The following AP3D1 variants were observed in gnomAD, a reference collection of about 807,000 sequenced individuals.
The protein encoded by AP3D1 is adaptor related protein complex 3 subunit delta 1, also known as AP-3 complex subunit delta-1.
Under a neutral mutation model 147.6 loss-of-function variants are expected in AP3D1, and 51 were observed. That is an observed-to-expected ratio of 0.35 (90% CI 0.28 to 0.44). AP3D1 has a LOEUF of 0.44. Ranked by LOEUF, AP3D1 falls within the 20% of genes least tolerant of loss-of-function variation. The pLI is 1.00. For synonymous variants in AP3D1, 760 were observed against 663.0 expected (o/e 1.15, Z -2.25); for missense variants, 1,421 against 1,624.2 (o/e 0.87, Z 2.15).
At chr19:2,149,388 T>C (rs1413522766) in intron 1 of AP3D1, among the ~76,000 whole-genome samples, 1 of 151,772 alleles carries the variant, frequency 6.6e-6, no homozygotes, top group Admixed American at 6.6e-5. Flanking sequence ...CTACTAAAAA[T>C]ACAAAATTAG....
intron 31 of AP3D1, among the ~76,000 whole-genome samples, chr19:2,104,913 G>T (rs1046932028): frequency 2.0e-5 from 3 of 151,914 alleles, no homozygotes; most frequent in African/African-American, 7.3e-5. Flanking sequence ...GGGCTCAAGC[G>T]ATCCTCCTGC....
Position 2,114,237 on chromosome 19 carries a change from G to A in AP3D1, c.2489C>T (p.Pro830Leu), listed in dbSNP as rs767312346. 9.3e-6 allele frequency: 15 copies of A among 1,613,524 alleles called. No homozygotes were observed. In the South Asian group the frequency reaches 1.2e-4, roughly 13 times the overall value. The change falls in exon 22 of 32, where the codon CCT (proline) becomes CTT (leucine). Residue 830 changes from proline to leucine, a missense_variant. Pro to Leu is a moderately conservative substitution (Grantham distance 98). Around this residue, in one of 6 missense-constraint regions of AP3D1, gnomAD observed 791 missense variants for 761.4 expected, o/e 1.04. Coordinates refer to ENST00000643116, the MANE Select transcript of AP3D1 (RefSeq NM_001261826.3). ...KHRNTETSKS[P>L]EKDVPMVEKK... ...TTCTACCATGGGAACGTCCTTCTCA[G>A]GGGATTTTGAGGTCTCGGTGTTTCT...
intron 1 of AP3D1, among the ~76,000 whole-genome samples, chr19:2,161,155 G>GTTTT (rs58654241): frequency 8.0e-5 from 10 of 125,372 alleles, no homozygotes; most frequent in South Asian, 2.7e-4. Flanking sequence ...GCTTCTCCTA[G>GTTTT]TTTTTTTTTT....
At chr19:2,129,225 G>T in intron 7 of AP3D1, 62 bp from the exon 8 acceptor site, 2 of 1,609,374 alleles carry the variant, frequency 1.2e-6, no homozygotes, top group African/African-American at 1.4e-5. Flanking sequence ...TGAGGGACAG[G>T]GGGGGCCTCG....
In AP3D1 at chr19:2,129,212, G is replaced by A. The variant is rs1448555609; in HGVS notation, c.733-49C>T. 3 of 1,608,528 alleles carry A rather than the reference G, an allele frequency of 1.9e-6. No homozygotes were observed. In the African/African-American group the frequency reaches 4.1e-5, roughly 22 times the overall value. ...TCACCCGCAGGGAATGCCCCACGCA[G>A]GGTGAGGGACAGGGGGGGCCTCGGT... On this transcript the variant is annotated intron_variant, in intron 7 of 31. Transcript: ENST00000643116.
intron 31 of AP3D1, among the ~76,000 whole-genome samples, chr19:2,104,399 C>G (rs72983430): frequency 6.8e-6 from 1 of 146,814 alleles, no homozygotes; most frequent in African/African-American, 2.5e-5. Context: ...AACTCCAAGA[C>G]GCCAACACCC....
chr19:2,146,846 AG>A (rs1456512915), intron 1 of AP3D1, among the ~76,000 whole-genome samples: 2 of 152,098 alleles, frequency 1.3e-5, no homozygotes, highest in Admixed American at 6.6e-5. Flanking sequence ...TCTACCTCCA[AG>A]AGACATTCTG....
chr19:2,132,432 G>C (rs893473107), intron 5 of AP3D1, 39 bp downstream of exon 5: 3 of 1,548,172 alleles, frequency 1.9e-6, no homozygotes, highest in South Asian at 1.1e-5. Context: ...TTTTCCCAGA[G>C]CAGACATGCA....
intron 1 of AP3D1, among the ~76,000 whole-genome samples, chr19:2,145,190 C>T (rs576227052): frequency 7.2e-5 from 11 of 152,228 alleles, no homozygotes; most frequent in South Asian, 2.1e-4. Context: ...CCATCTGGAC[C>T]GCAGCTCCCT....
Position 2,121,039 on chromosome 19 carries a change from T to A in AP3D1, c.1304A>T (p.His435Leu). 1 of 1,612,840 alleles carries A rather than the reference T, an allele frequency of 6.2e-7. No individual in the cohort carries two copies. The highest frequency in any genetic ancestry group is 8.5e-7 in the Non-Finnish European group (1 of 1,179,950). The change falls in exon 14 of 32, where the codon CAC becomes CTC. Residue 435 changes from histidine to leucine, a missense_variant. This residue lies in a region of AP3D1 where 310 missense variants were observed against 388.1 expected (regional missense o/e 0.80). Transcript: ENST00000643116. Reference protein sequence around the residue: ...LTRLEGTRHGHLIAAQMLDVA... With the variant: ...LTRLEGTRHGLLIAAQMLDVA... The stretch of plus-strand genomic sequence containing the variant: ...GTCCAGCATTTGGGCGGCGATGAGG[T>A]GGCCGTGCCGTGTGCCCTCCAGCCG...
intron 1 of AP3D1, among the ~76,000 whole-genome samples, chr19:2,150,682 C>T (rs1388324512): frequency 6.6e-6 from 1 of 152,200 alleles, no homozygotes; most frequent in Admixed American, 6.5e-5. Context: ...GACCTGGACA[C>T]GCATTTACAC....
At chr19:2,121,661 C>T in intron 12 of AP3D1, 73 bp downstream of exon 12, 1 of 1,513,082 alleles carries the variant, frequency 6.6e-7, no homozygotes, top group Non-Finnish European at 8.8e-7. Flanking sequence ...TTCCACGTGG[C>T]TCTGCACCTG....
rs187451666 is a variant in AP3D1 at position 2,130,466 on chromosome 19, G to A, written c.534C>T (p.Pro178=). The A allele has an allele frequency of 1.4e-4, 228 of 1,614,030 alleles. No individual in the cohort carries two copies. In the African/African-American group the frequency reaches 2.5e-3, roughly 18 times the overall value. The part of the protein sequence containing the change: ...LIMYKVFLKY[P]ESLRPAFPRL... Reference sequence around the variant, plus strand: ...GGGGAAAGGCAGGGCGCAGCGACTCGGGGTACTTCAGGAACACCTTGTACA... The same window carrying A: ...GGGGAAAGGCAGGGCGCAGCGACTCAGGGTACTTCAGGAACACCTTGTACA... Residue 178 remains proline (P), a synonymous_variant, in exon 6 of 32, where the codon CCC becomes CCT. Coordinates refer to ENST00000643116, the MANE Select transcript of AP3D1 (RefSeq NM_001261826.3).
intron 7 of AP3D1, 62 bp from the exon 8 acceptor site, chr19:2,129,225 G>A (rs374430952): frequency 1.9e-6 from 3 of 1,609,374 alleles, no homozygotes; most frequent in East Asian, 2.2e-5. Flanking sequence ...TGAGGGACAG[G>A]GGGGGCCTCG....
In AP3D1 at chr19:2,127,685, C is replaced by T. The variant is rs142970623; in HGVS notation, c.807-484G>A. Among the ~76,000 whole-genome samples, 590 of 152,258 alleles carry T rather than the reference C, an allele frequency of 3.9e-3. 1 individual carries two copies. Among genetic ancestry groups the T allele is most frequent in the African/African-American group, 0.014 (571 of 41,544 alleles). ...GATTGCAAGCGTGCACCACCACGCC[C>T]GGCTAATTTTTGTATTTTTTAGGTA... is the stretch of plus-strand genomic sequence containing the variant. On this transcript the variant is annotated intron_variant, in intron 8 of 31. Coordinates refer to ENST00000643116, the MANE Select transcript of AP3D1 (RefSeq NM_001261826.3).
At chr19:2,115,004 C>G (rs1208871740) in intron 20 of AP3D1, among the ~76,000 whole-genome samples, 183 bp from the exon 21 acceptor site, 1 of 152,196 alleles carries the variant, frequency 6.6e-6, no homozygotes, top group African/African-American at 2.4e-5. Context: ...CAGGACGCAG[C>G]CAACCTGCAT....
At chr19:2,151,897 G>A (rs1037528909), upstream of AP3D1, among the ~76,000 whole-genome samples, 2 of 152,240 alleles carry the variant, frequency 1.3e-5, no homozygotes, top group African/African-American at 4.8e-5. Flanking sequence ...GCGCCCACGT[G>A]GAGCTTAGCC....
intron 24 of AP3D1, chr19:2,112,632 A>G (rs959552407): frequency 1.0e-5 from 5 of 500,166 alleles, no homozygotes; most frequent in African/African-American, 2.0e-5. Flanking sequence ...CACTGTATAC[A>G]TACTTCAAAT....
chr19:2,116,394 G>A (rs1027598921), intron 17 of AP3D1, 116 bp from the exon 18 acceptor site: 7 of 1,282,684 alleles, frequency 5.5e-6, no homozygotes, highest in Non-Finnish European at 7.5e-6. Flanking sequence ...TTTCACTACT[G>A]AGCTTTCACT....
Sources: allele counts gnomAD v4.1 joint callset (sites outside exome capture counted in the v4.1 genomes callset), GRCh38; gene constraint gnomAD v4.1.1; regional missense constraint gnomAD v4.1.1; transcripts MANE v1.5; gene names NCBI Gene and HGNC (gene_info 2026-07-23, HGNC 2026-07-21).